GSAP: variants seen among roughly 807,000 people sequenced by gnomAD.
The protein encoded by GSAP is gamma-secretase activating protein.
Under a neutral mutation model 131.7 loss-of-function variants are expected in GSAP, and 118 were observed. The observed-to-expected ratio is 0.90, with a 90% CI of 0.77 to 1.04. The LOEUF (loss-of-function observed/expected upper bound fraction) is 1.04. Ranked by LOEUF, GSAP falls within the 50% of genes least tolerant of loss-of-function variation. GSAP has a pLI of 0.00. For synonymous variants in GSAP, 381 were observed against 363.4 expected (o/e 1.05, Z -0.55); for missense variants, 1,019 against 1,013.2 (o/e 1.01, Z -0.08).
intron 25 of GSAP, 129 bp downstream of exon 25, chr7:77,321,204 G>A (rs1277259346): frequency 5.9e-6 from 4 of 673,572 alleles, no homozygotes. Flanking sequence ...GCTGAGTATA[G>A]AATTAAGCTA....
At chr7:77,313,017 T>C (rs1178512023) in intron 28 of GSAP, among the ~76,000 whole-genome samples, 1 of 152,224 alleles carries the variant, frequency 6.6e-6, no homozygotes, top group Non-Finnish European at 1.5e-5. Context: ...TCTCTCACTC[T>C]AAGTGTTGAT....
intron 5 of GSAP, among the ~76,000 whole-genome samples, chr7:77,396,342 G>C (rs1283220989): frequency 6.6e-6 from 1 of 152,056 alleles, no homozygotes; most frequent in African/African-American, 2.4e-5. Context: ...TCTGGCCAAT[G>C]TATGCATTTG....
At chr7:77,414,145 A>G (rs868412989) in intron 1 of GSAP, among the ~76,000 whole-genome samples, 3 of 152,246 alleles carry the variant, frequency 2.0e-5, no homozygotes, top group Admixed American at 2.0e-4. Context: ...AGCACCTCTA[A>G]GAAAACTTCA....
At chr7:77,409,792 G>T (rs1002914417) in intron 1 of GSAP, among the ~76,000 whole-genome samples, 21 of 152,142 alleles carry the variant, frequency 1.4e-4, no homozygotes, top group Non-Finnish European at 2.9e-4. Context: ...CAATTTACTT[G>T]CAAAAGCGTA....
At chr7:77,368,470 C>A (rs1461382402) in intron 12 of GSAP, among the ~76,000 whole-genome samples, 1 of 152,216 alleles carries the variant, frequency 6.6e-6, no homozygotes, top group Non-Finnish European at 1.5e-5. Flanking sequence ...TGGTTCTTAA[C>A]CCTGACAGCA....
At chr7:77,406,407 T>C (rs1051561451) in intron 1 of GSAP, among the ~76,000 whole-genome samples, 1 of 152,232 alleles carries the variant, frequency 6.6e-6, no homozygotes, top group Admixed American at 6.5e-5. Flanking sequence ...CACTCTTTTC[T>C]GTGTGAATGT....
At chr7:77,374,241 A>T (rs1329051422) in intron 11 of GSAP, 86 bp from the exon 12 acceptor site, 2 of 657,776 alleles carry the variant, frequency 3.0e-6, no homozygotes, top group African/African-American at 3.8e-5. Context: ...TAAATAATAT[A>T]CCCACAGAAG....
intron 5 of GSAP, among the ~76,000 whole-genome samples, chr7:77,388,871 A>G (rs957761410): frequency 1.3e-5 from 2 of 151,964 alleles, no homozygotes; most frequent in African/African-American, 4.8e-5. Context: ...AAAGACAGTA[A>G]GTGAGTTATT....
At chr7:77,387,491 C>CA (rs1446947275) in intron 5 of GSAP, 43 bp from the exon 6 acceptor site, 1 of 1,021,492 alleles carries the variant, frequency 9.8e-7, no homozygotes, top group African/African-American at 1.6e-5. Context: ...ATTGTAATAT[C>CA]ACACATTATT....
At chr7:77,353,771 C>T in intron 16 of GSAP, 130 bp from the exon 17 acceptor site, 2 of 587,820 alleles carry the variant, frequency 3.4e-6, no homozygotes, top group Non-Finnish European at 6.0e-6. Flanking sequence ...AATATACTCA[C>T]TTCTATACTA....
chr7:77,350,138 T>C (rs944174664), intron 18 of GSAP, among the ~76,000 whole-genome samples: 13 of 151,182 alleles, frequency 8.6e-5, no homozygotes, highest in East Asian at 2.0e-4. Flanking sequence ...ATGGATGAAA[T>C]TGGAAATCAT....
At chr7:77,316,944 CTCT>C (rs1795024490) in intron 26 of GSAP, among the ~76,000 whole-genome samples, 1 of 152,146 alleles carries the variant, frequency 6.6e-6, no homozygotes, top group Non-Finnish European at 1.5e-5. Flanking sequence ...GTTCCCCATT[CTCT>C]TCTTAACTTT....
chr7:77,329,723 T>C (rs555948494), intron 20 of GSAP: 4 of 175,040 alleles, frequency 2.3e-5, no homozygotes, highest in South Asian at 1.7e-4. Context: ...AAATCAAAAA[T>C]TGACATTGGC....
intron 11 of GSAP, among the ~76,000 whole-genome samples, 186 bp from the exon 12 acceptor site, chr7:77,374,341 C>G (rs930357279): frequency 1.3e-5 from 2 of 152,122 alleles, no homozygotes; most frequent in Admixed American, 1.3e-4. Context: ...ATATAAATGG[C>G]ATCAGCCTGA....
chr7:77,333,704 GT>G (rs1423497215), intron 19 of GSAP, among the ~76,000 whole-genome samples: 2 of 152,206 alleles, frequency 1.3e-5, no homozygotes, highest in Non-Finnish European at 2.9e-5. Context: ...TAAAGAGGTA[GT>G]TAGGGCCAAA....
At chr7:77,314,968 G>T (rs1794812874) in intron 26 of GSAP, 1 of 153,270 alleles carries the variant, frequency 6.5e-6, no homozygotes, top group South Asian at 2.0e-4. Flanking sequence ...TTGGACTAAA[G>T]TATAGAAAAG....
chr7:77,402,960 CTG>C (rs1247513148), intron 3 of GSAP, among the ~76,000 whole-genome samples: 1 of 152,174 alleles, frequency 6.6e-6, no homozygotes, highest in Admixed American at 6.5e-5. Context: ...AAAACATTCA[CTG>C]TACTCCTACC....
chr7:77,364,046 A>T (rs1351488807), intron 12 of GSAP, among the ~76,000 whole-genome samples: 4 of 151,920 alleles, frequency 2.6e-5, no homozygotes, highest in Non-Finnish European at 5.9e-5. Context: ...GAAATTGCTT[A>T]AAAAAAAGAC....
intron 1 of GSAP, among the ~76,000 whole-genome samples, chr7:77,408,939 TAG>T (rs917467308): frequency 2.6e-5 from 4 of 150,992 alleles, no homozygotes; most frequent in Non-Finnish European, 5.9e-5. Flanking sequence ...GGGAAACATT[TAG>T]AGAGAGGAAG....
Sources: gnomAD v4.1 joint callset for allele counts (sites outside exome capture counted in the v4.1 genomes callset) on GRCh38, gnomAD v4.1.1 for gene constraint, MANE v1.5 for transcripts, NCBI Gene and HGNC (gene_info 2026-07-23, HGNC 2026-07-21) for gene names.